The following NRXN3 variants were observed in gnomAD, a reference collection of about 807,000 sequenced individuals.
NRXN3 encodes the protein neurexin 3.
A neutral mutation model predicts 137.6 loss-of-function variants in NRXN3; 32 were observed. The observed-to-expected ratio is 0.23, with a 90% CI of 0.18 to 0.31. NRXN3 has a LOEUF of 0.31. Ranked by LOEUF, NRXN3 falls within the 10% of genes least tolerant of loss-of-function variation. The probability of loss-of-function intolerance (pLI) is 1.00; values close to 1 mark genes in which losing one functional copy is unlikely to be tolerated. For synonymous variants in NRXN3, 798 were observed against 784.5 expected (o/e 1.02, Z -0.29); for missense variants, 1,574 against 2,062.5 (o/e 0.76, Z 4.59).
At chr14:79,004,595 G>A (rs1047531000) in intron 15 of NRXN3, among the ~76,000 whole-genome samples, 1 of 152,130 alleles carries the variant, frequency 6.6e-6, no homozygotes, top group African/African-American at 2.4e-5. Flanking sequence ...ATAAGTAGCC[G>A]ACCAGGAATG....
intron 4 of NRXN3, among the ~76,000 whole-genome samples, chr14:78,434,397 A>C (rs2093992115): frequency 6.6e-6 from 1 of 152,102 alleles, no homozygotes; most frequent in African/African-American, 2.4e-5. Context: ...TTTTATCAGG[A>C]CATCTAGTCA....
chr14:78,587,921 T>C (rs2097082006), intron 4 of NRXN3, among the ~76,000 whole-genome samples: 1 of 152,216 alleles, frequency 6.6e-6, no homozygotes, highest in African/African-American at 2.4e-5. Context: ...AGCTATTTTT[T>C]TAATAGCTAT....
intron 10 of NRXN3, among the ~76,000 whole-genome samples, chr14:78,947,731 C>A (rs2099369288): frequency 6.6e-6 from 1 of 152,162 alleles, no homozygotes; most frequent in South Asian, 2.1e-4. Flanking sequence ...CAACCATGGT[C>A]CCTCAGCCTG....
intron 15 of NRXN3, among the ~76,000 whole-genome samples, chr14:79,403,399 C>G (rs1265772083): frequency 2.0e-5 from 3 of 152,032 alleles, no homozygotes; most frequent in African/African-American, 7.2e-5. Context: ...TTAATCAGCT[C>G]AGTAGGGGGA....
chr14:79,579,000 A>G (rs1291590763), intron 16 of NRXN3, among the ~76,000 whole-genome samples: 1 of 152,108 alleles, frequency 6.6e-6, no homozygotes, highest in African/African-American at 2.4e-5. Flanking sequence ...AATTCTCACC[A>G]TATTTTAAAA....
At chr14:78,968,600 A>G (rs1368253326) in intron 14 of NRXN3, among the ~76,000 whole-genome samples, 1 of 152,194 alleles carries the variant, frequency 6.6e-6, no homozygotes, top group Non-Finnish European at 1.5e-5. Context: ...AAAATAAAAT[A>G]AAAAACTTCC....
At chr14:79,613,896 G>A (rs1041356116) in intron 16 of NRXN3, among the ~76,000 whole-genome samples, 3 of 152,226 alleles carry the variant, frequency 2.0e-5, no homozygotes, top group African/African-American at 7.2e-5. Flanking sequence ...CTACCACACC[G>A]CAGTGCGGTT....
At chr14:78,661,461 G>T (rs1370853690) in intron 6 of NRXN3, among the ~76,000 whole-genome samples, 1 of 152,106 alleles carries the variant, frequency 6.6e-6, no homozygotes, top group Non-Finnish European at 1.5e-5. Flanking sequence ...GATTTTTTTG[G>T]CCTATATGAA....
intron 10 of NRXN3, among the ~76,000 whole-genome samples, chr14:78,838,493 A>G (rs1275198556): frequency 1.3e-5 from 2 of 152,158 alleles, no homozygotes; most frequent in Non-Finnish European, 2.9e-5. Flanking sequence ...CCTCTGGTAA[A>G]CACTGTTGCA....
intron 8 of NRXN3, among the ~76,000 whole-genome samples, chr14:78,782,401 G>T (rs891089423): frequency 1.3e-5 from 2 of 152,156 alleles, no homozygotes; most frequent in African/African-American, 4.8e-5. Context: ...CTGGGAGGCG[G>T]GGTACATCTT....
At chr14:78,903,866 A>G (rs1176774591) in intron 10 of NRXN3, among the ~76,000 whole-genome samples, 1 of 152,086 alleles carries the variant, frequency 6.6e-6, no homozygotes. Context: ...TTGCTTTGTT[A>G]GTAGTCATTG....
chr14:78,341,387 G>A (rs546972530), intron 4 of NRXN3, among the ~76,000 whole-genome samples: 14 of 152,256 alleles, frequency 9.2e-5, no homozygotes, highest in Middle Eastern at 3.4e-3. Context: ...TACAATATGA[G>A]TAACAAGAAG....
intron 4 of NRXN3, among the ~76,000 whole-genome samples, chr14:78,359,229 T>TG (rs1241048245): frequency 6.6e-6 from 1 of 152,178 alleles, no homozygotes; most frequent in Non-Finnish European, 1.5e-5. Flanking sequence ...TTGGAATCAA[T>TG]GGGGAGCTTT....
At chr14:78,938,990 C>G (rs1337447828) in intron 10 of NRXN3, among the ~76,000 whole-genome samples, 2 of 151,756 alleles carry the variant, frequency 1.3e-5, no homozygotes, top group South Asian at 4.2e-4. Flanking sequence ...GGACTACAGG[C>G]GCCCGCCACC....
intron 4 of NRXN3, among the ~76,000 whole-genome samples, chr14:78,562,451 T>C (rs1287780789): frequency 8.2e-6 from 1 of 122,556 alleles, no homozygotes; most frequent in Non-Finnish European, 1.7e-5. Flanking sequence ...GCTCTGGAAA[T>C]AGCCCTTAAC....
At chr14:78,425,887 C>T (rs367572543) in intron 4 of NRXN3, among the ~76,000 whole-genome samples, 2 of 152,182 alleles carry the variant, frequency 1.3e-5, no homozygotes, top group South Asian at 4.1e-4. Context: ...GTGAGTGTAA[C>T]ATTTGGCCCG....
At chr14:78,250,872 A>G (rs1042291819) in intron 2 of NRXN3, among the ~76,000 whole-genome samples, 2 of 152,198 alleles carry the variant, frequency 1.3e-5, no homozygotes, top group African/African-American at 4.8e-5. Context: ...GATGCGGATG[A>G]TAAGCAAAAT....
chr14:78,608,062 G>A (rs2097267218), intron 4 of NRXN3, among the ~76,000 whole-genome samples: 2 of 152,166 alleles, frequency 1.3e-5, no homozygotes, highest in Admixed American at 6.5e-5. Flanking sequence ...AGAAAATAAT[G>A]TTAAGGTATT....
At chr14:79,018,289 AAAAAAAAGAG>A (rs2099583027) in intron 15 of NRXN3, among the ~76,000 whole-genome samples, 1 of 59,020 alleles carries the variant, frequency 1.7e-5, no homozygotes, top group African/African-American at 5.8e-5. Flanking sequence ...AAAAAAAAAA[AAAAAAAAGAG>A]AGAGAGCAAG....
Sources: gnomAD v4.1 joint callset for allele counts (sites outside exome capture counted in the v4.1 genomes callset) on GRCh38, gnomAD v4.1.1 for gene constraint, MANE v1.5 for transcripts, NCBI Gene and HGNC (gene_info 2026-07-23, HGNC 2026-07-21) for gene names.